Variants in XKR4 observed in about 807,000 individuals in gnomAD.
The protein encoded by XKR4 is XK related 4.
Under a neutral mutation model 53.9 loss-of-function variants are expected in XKR4, and 12 were observed. That is an observed-to-expected ratio of 0.22 (90% CI 0.14 to 0.36). XKR4 has a LOEUF of 0.36. Ranked by LOEUF, XKR4 falls within the 10% of genes least tolerant of loss-of-function variation. The pLI is 1.00. For synonymous variants in XKR4, 354 were observed against 362.4 expected, an observed-to-expected ratio of 0.98 and a Z score of 0.26; for missense variants, 799 against 859.5, an observed-to-expected ratio of 0.93 and a Z score of 0.88.
chr8:55,105,660 C>T (rs1816133637), intron 1 of XKR4, among the ~76,000 whole-genome samples: 1 of 152,152 alleles, frequency 6.6e-6, no homozygotes, highest in Admixed American at 6.5e-5. Flanking sequence ...TCTAATCTAA[C>T]TATTCTCAGA....
chr8:55,251,088 T>C (rs1330833682), intron 1 of XKR4, among the ~76,000 whole-genome samples: 2 of 152,224 alleles, frequency 1.3e-5, no homozygotes, highest in African/African-American at 2.4e-5. Flanking sequence ...ATAGGTATAG[T>C]ATAGGCATAG....
chr8:55,179,737 T>C (rs1174151473), intron 1 of XKR4, among the ~76,000 whole-genome samples: 1 of 152,188 alleles, frequency 6.6e-6, no homozygotes, highest in Admixed American at 6.5e-5. Context: ...AGTGCAGCAA[T>C]AGTACAGAAT....
At chr8:55,473,286 G>C (rs140484522) in intron 2 of XKR4, among the ~76,000 whole-genome samples, 1 of 152,070 alleles carries the variant, frequency 6.6e-6, no homozygotes, top group Non-Finnish European at 1.5e-5. Flanking sequence ...AAGTGTTATT[G>C]TTCTTGTTTA....
At chr8:55,219,014 T>TC (rs1475155790) in intron 1 of XKR4, among the ~76,000 whole-genome samples, 2 of 151,628 alleles carry the variant, frequency 1.3e-5, no homozygotes, top group Non-Finnish European at 2.9e-5. Context: ...AAGCAGTCTT[T>TC]TTTTTTTTTT....
chr8:55,211,060 C>T (rs1386714514), intron 1 of XKR4, among the ~76,000 whole-genome samples: 1 of 152,174 alleles, frequency 6.6e-6, no homozygotes, highest in Non-Finnish European at 1.5e-5. Flanking sequence ...GTCATGTTCC[C>T]TTATCTGTGC....
chr8:55,220,215 A>G (rs957878373), intron 1 of XKR4, among the ~76,000 whole-genome samples: 5 of 152,084 alleles, frequency 3.3e-5, no homozygotes, highest in Non-Finnish European at 5.9e-5. Context: ...TTAAAAATAA[A>G]TAATTTTTTA....
chr8:55,466,307 A>G (rs1805767643), intron 2 of XKR4, among the ~76,000 whole-genome samples: 1 of 152,134 alleles, frequency 6.6e-6, no homozygotes, highest in Admixed American at 6.5e-5. Context: ...ATGCAGCCAT[A>G]AAAAATGATG....
chr8:55,109,881 G>A (rs1407078831), intron 1 of XKR4, among the ~76,000 whole-genome samples: 1 of 152,134 alleles, frequency 6.6e-6, no homozygotes, highest in Non-Finnish European at 1.5e-5. Context: ...GAGTATCCAA[G>A]CACACAACTT....
At chr8:55,181,980 A>G (rs971109523) in intron 1 of XKR4, among the ~76,000 whole-genome samples, 7 of 152,172 alleles carry the variant, frequency 4.6e-5, no homozygotes, top group African/African-American at 1.7e-4. Flanking sequence ...ATGATCTCCC[A>G]AAGGCCAAGG....
chr8:55,309,241 G>A (rs1204861964), intron 1 of XKR4, among the ~76,000 whole-genome samples: 3 of 152,164 alleles, frequency 2.0e-5, no homozygotes, highest in Non-Finnish European at 2.9e-5. Flanking sequence ...AATAGAAAAA[G>A]CACCAACACT....
intron 1 of XKR4, among the ~76,000 whole-genome samples, chr8:55,354,718 A>AC (rs1803773618): frequency 6.6e-6 from 1 of 152,046 alleles, no homozygotes; most frequent in Non-Finnish European, 1.5e-5. Flanking sequence ...ACAAAAAAAA[A>AC]ACACACATGC....
chr8:55,232,109 A>C (rs906511848), intron 1 of XKR4, among the ~76,000 whole-genome samples: 8 of 152,204 alleles, frequency 5.3e-5, no homozygotes, highest in Non-Finnish European at 1.0e-4. Flanking sequence ...CACAGATCAC[A>C]TCTTGCCCCT....
chr8:55,485,594 G>T (rs925210811), intron 2 of XKR4, among the ~76,000 whole-genome samples: 2 of 152,114 alleles, frequency 1.3e-5, no homozygotes, highest in Non-Finnish European at 2.9e-5. Context: ...GGCCAGGCTG[G>T]TCTCAAACTC....
In XKR4 at chr8:55,531,656, C is replaced by T. The variant is rs992935349; in HGVS notation, c.*7429C>T. The T allele has an allele frequency of 3.3e-5, 5 of 152,046 alleles. No individual in the cohort carries two copies. Among genetic ancestry groups the T allele is most frequent in the Admixed American group, 2.0e-4 (3 of 15,272 alleles). 9.4% of individuals were successfully genotyped at this position (152,046 alleles called of 1,614,324 possible). A position where few individuals can be genotyped will look rare whatever the true frequency, so the allele number is the denominator to read the frequency against. On this transcript the variant is annotated 3_prime_UTR_variant, in exon 3 of 3. Coordinates refer to ENST00000327381, the MANE Select transcript of XKR4 (RefSeq NM_052898.2). ...TTGGTGCATAGTATTTGATTGAAAA[C>T]AATCATTTTTGGATAAACTTTGAAG...
rs1160872780 is a variant in XKR4, at chr8:55,534,363, C to CTTTTTTTTTTTTTTTTTTTTTTTTTTTTT, written c.*10164_*10165insTTTTTTTTTTTTTTTTTTTTTTTTTTTTT. ...GCTCAAAGATCACGAATCTGATATT[C>CTTTTTTTTTTTTTTTTTTTTTTTTTTTTT]TTTTTTTTTTTTTTTTTTTTTTTTT... On this transcript the variant is annotated 3_prime_UTR_variant, in exon 3 of 3. Coordinates refer to ENST00000327381, the MANE Select transcript of XKR4 (RefSeq NM_052898.2). 9 of 47,162 alleles carry CTTTTTTTTTTTTTTTTTTTTTTTTTTTTT rather than the reference C, an allele frequency of 1.9e-4. 3 individuals are homozygous for CTTTTTTTTTTTTTTTTTTTTTTTTTTTTT. Among genetic ancestry groups the CTTTTTTTTTTTTTTTTTTTTTTTTTTTTT allele is most frequent in the South Asian group, 2.7e-3 (2 of 734 alleles). The allele number at this position is 47,162 out of a possible 1,614,324, so 2.9% of individuals were successfully genotyped here.
intron 2 of XKR4, among the ~76,000 whole-genome samples, chr8:55,471,689 A>T (rs116914506): frequency 0.012 from 1,879 of 152,208 alleles, 13 homozygotes; most frequent in Non-Finnish European, 0.02. Context: ...GCCTGGTGGG[A>T]GGTGATTGGA....
At chr8:55,523,233 T>C in intron 2 of XKR4, 48 bp from the exon 3 acceptor site, 1 of 1,502,686 alleles carries the variant, frequency 6.7e-7, no homozygotes, top group Non-Finnish European at 8.9e-7. Flanking sequence ...CCAGGGGGCA[T>C]TGCTGCAACT....
intron 2 of XKR4, among the ~76,000 whole-genome samples, chr8:55,385,797 T>C (rs1563337802): frequency 1.3e-5 from 2 of 152,232 alleles, no homozygotes; most frequent in Non-Finnish European, 2.9e-5. Flanking sequence ...AATATTTTGC[T>C]TAACCTGTTA....
intron 2 of XKR4, among the ~76,000 whole-genome samples, chr8:55,394,587 A>G (rs1031043077): frequency 3.9e-5 from 6 of 152,224 alleles, no homozygotes. Context: ...CAGTTTATAT[A>G]CTGGCATGGC....
Sources: gnomAD v4.1 joint callset for allele counts (sites outside exome capture counted in the v4.1 genomes callset) on GRCh38, gnomAD v4.1.1 for gene constraint, MANE v1.5 for transcripts, NCBI Gene and HGNC (gene_info 2026-07-23, HGNC 2026-07-21) for gene names.